Variants in SPG11 observed in about 807,000 individuals in gnomAD.
The protein encoded by SPG11 is spatacsin.
Under a neutral mutation model 274.0 loss-of-function variants are expected in SPG11, and 222 were observed. The ratio of observed to expected loss-of-function variants is 0.81; its 90% CI spans 0.73 to 0.91. SPG11 has a LOEUF of 0.91. Among genes scored for constraint, SPG11 ranks in the 40% least tolerant of loss-of-function variants. The pLI is 0.00. For synonymous variants in SPG11, 1,144 were observed against 1,039.7 expected, an observed-to-expected ratio of 1.10 and a Z score of -1.93; for missense variants, 3,114 against 2,872.7, an observed-to-expected ratio of 1.08 and a Z score of -1.92.
intron 39 of SPG11, 74 bp from the exon 40 acceptor site, chr15:44,563,375 G>A (rs2140908588): frequency 1.4e-6 from 2 of 1,418,918 alleles, no homozygotes; most frequent in South Asian, 1.2e-5. Context: ...GTCTTACTCT[G>A]TTGCCCAGGC....
chr15:44,573,677 G>A lies in SPG11; in HGVS notation c.6075C>T (p.Ala2025=). Residue 2025 remains alanine, a synonymous_variant, in exon 32 of 40, where the codon GCC becomes GCT. Coordinates refer to ENST00000261866, the MANE Select transcript of SPG11 (RefSeq NM_025137.4). ...DGEAMLRKIL[A]SQQPDRCKRA... ...GTTTGCATCGGTCAGGCTGCTGAGAGGCCAAGATTTTCCGGAGCATGGCTT... is the reference window on the plus strand; with the variant it reads ...GTTTGCATCGGTCAGGCTGCTGAGAAGCCAAGATTTTCCGGAGCATGGCTT... 3.1e-6 allele frequency: 5 copies of A among 1,614,206 alleles called. No individual in the cohort carries two copies. Among genetic ancestry groups the A allele is most frequent in the South Asian group, 1.1e-5 (1 of 91,090 alleles).
chr15:44,622,786 T>C lies in SPG11; in HGVS notation c.2258A>G (p.Lys753Arg), dbSNP rs2083790047. Residue 753 changes from lysine (K) to arginine (R), a missense_variant, in exon 12 of 40, where the codon AAA (lysine) becomes AGA (arginine). By Grantham distance (26) the Lys-to-Arg change is conservative. Transcript: ENST00000261866. Reference sequence around the variant, plus strand: ...GAAGCAGATCTTGAGCAATTGGCCTTTTACATCAAACCCCTAAAATAAACA... The same window carrying C: ...GAAGCAGATCTTGAGCAATTGGCCTCTTACATCAAACCCCTAAAATAAACA... ...ELLKNMGFDV[K>R]GQLLKICFYT... 3 of 1,613,666 alleles carry C rather than the reference T, an allele frequency of 1.9e-6. No homozygotes were observed. The highest frequency in any genetic ancestry group is 2.5e-6 in the Non-Finnish European group (3 of 1,179,688).
chr15:44,609,392 G>A (rs533567572), intron 18 of SPG11, among the ~76,000 whole-genome samples: 9 of 151,714 alleles, frequency 5.9e-5, no homozygotes, highest in Admixed American at 2.0e-4. Context: ...CCCTCCCAAC[G>A]TGCTGGGATT....
At chr15:44,582,654 A>G (rs981378212) in intron 30 of SPG11, among the ~76,000 whole-genome samples, 1 of 152,236 alleles carries the variant, frequency 6.6e-6, no homozygotes, top group Non-Finnish European at 1.5e-5. Flanking sequence ...AAAAAATCAA[A>G]AAGAATAACG....
intron 20 of SPG11, among the ~76,000 whole-genome samples, chr15:44,603,081 G>C (rs1242990771): frequency 2.1e-5 from 3 of 140,876 alleles, no homozygotes; most frequent in African/African-American, 8.3e-5. Flanking sequence ...TTTGGACACA[G>C]GGTCTTGCTG....
chr15:44,589,129 C>A, intron 28 of SPG11, 123 bp downstream of exon 28: 2 of 954,280 alleles, frequency 2.1e-6, no homozygotes, highest in Non-Finnish European at 3.2e-6. Context: ...CTTGTTTACT[C>A]CCAGTTGTAG....
In SPG11 at chr15:44,562,889, A is replaced by T. The variant is rs2082221157; in HGVS notation, c.*232T>A. ...GGAAGAGGAAGCTTTTGATCTTAAT[A>T]CTAGTATCTATATAAAATGGTGTGG... On this transcript the variant is annotated 3_prime_UTR_variant, in exon 40 of 40. Transcript: ENST00000261866. 3.9e-6 allele frequency: 2 copies of T among 516,650 alleles called. No homozygotes were observed. Among genetic ancestry groups the T allele is most frequent in the Non-Finnish European group, 6.9e-6 (2 of 287,858 alleles). 32.0% of individuals were successfully genotyped at this position (516,650 alleles called of 1,614,324 possible).
chr15:44,598,592 C>A (rs757718838), intron 22 of SPG11, 39 bp downstream of exon 22: 5 of 1,589,408 alleles, frequency 3.1e-6, no homozygotes. Context: ...CTCGTCACAC[C>A]TTCTCTAAAC....
Position 44,587,714 on chromosome 15 carries a change from A to C in SPG11, c.4906+1538T>G, listed in dbSNP as rs1012673487. Among the ~76,000 whole-genome samples the C allele has an allele frequency of 3.3e-5, 5 of 150,924 alleles. No individual in the cohort carries two copies. In the East Asian group the frequency reaches 5.8e-4, roughly 17 times the overall value. ...GTCTCAAAAAAAAAAAAAAAAAAAA[A>C]AAAAAACGTATTCCTGTTCTCTAAG... On this transcript the variant is annotated intron_variant, in intron 28 of 39. Transcript: ENST00000261866.
intron 7 of SPG11, 50 bp downstream of exon 7, chr15:44,648,816 A>G: frequency 6.3e-7 from 1 of 1,582,312 alleles, no homozygotes; most frequent in Non-Finnish European, 8.7e-7. Context: ...GAATAAAAGT[A>G]TATAACACAA....
intron 8 of SPG11, among the ~76,000 whole-genome samples, chr15:44,629,623 T>C (rs185340636): frequency 6.6e-5 from 10 of 152,370 alleles, no homozygotes; most frequent in Admixed American, 2.0e-4. Context: ...GCTGACCACC[T>C]ACATCTTAAG....
intron 37 of SPG11, 44 bp from the exon 38 acceptor site, chr15:44,566,053 T>C (rs1221134169): frequency 6.2e-7 from 1 of 1,611,190 alleles, no homozygotes; most frequent in Non-Finnish European, 8.5e-7. Flanking sequence ...AAGACCTAGT[T>C]GTCACCTCCT....
At chr15:44,566,125 G>C in intron 37 of SPG11, 92 bp downstream of exon 37, 1 of 1,584,214 alleles carries the variant, frequency 6.3e-7, no homozygotes, top group Non-Finnish European at 8.7e-7. Flanking sequence ...ATGCCCTCCC[G>C]CTTCACCTGG....
chr15:44,622,466 T>C (rs2083780891), intron 12 of SPG11, 119 bp from the exon 13 acceptor site: 1 of 858,148 alleles, frequency 1.2e-6, no homozygotes, highest in Non-Finnish European at 1.8e-6. Flanking sequence ...AAAAAAGTCA[T>C]GAGATAATAT....
chr15:44,593,912 C>T (rs955744702), intron 26 of SPG11, among the ~76,000 whole-genome samples: 1 of 151,206 alleles, frequency 6.6e-6, no homozygotes, highest in Middle Eastern at 3.4e-3. Flanking sequence ...TCCTGCCACG[C>T]CCGGCTTTTT....
chr15:44,634,871 C>T (rs2084191493), intron 7 of SPG11, among the ~76,000 whole-genome samples: 1 of 152,140 alleles, frequency 6.6e-6, no homozygotes, highest in Non-Finnish European at 1.5e-5. Flanking sequence ...TGAGCCATCG[C>T]ACCTGGCTGC....
chr15:44,565,346 G>A (rs1746812594), intron 38 of SPG11, among the ~76,000 whole-genome samples: 1 of 152,168 alleles, frequency 6.6e-6, no homozygotes. Flanking sequence ...CCACAGACTG[G>A]GAGGGGATGG....
At chr15:44,648,750 A>T in intron 7 of SPG11, 116 bp downstream of exon 7, 1 of 1,198,864 alleles carries the variant, frequency 8.3e-7, no homozygotes. Flanking sequence ...ATAGATATAC[A>T]AAGGCTATAG....
At chr15:44,571,087 G>A (rs965419270) in intron 33 of SPG11, among the ~76,000 whole-genome samples, 1 of 152,188 alleles carries the variant, frequency 6.6e-6, no homozygotes, top group Non-Finnish European at 1.5e-5. Flanking sequence ...AGTAGTGAAA[G>A]TCTGACATGT....
Sources: gnomAD v4.1 joint callset for allele counts (sites outside exome capture counted in the v4.1 genomes callset) on GRCh38, gnomAD v4.1.1 for gene constraint, MANE v1.5 for transcripts, NCBI Gene and HGNC (gene_info 2026-07-23, HGNC 2026-07-21) for gene names.